Variants in PCLO observed in about 807,000 individuals in gnomAD.
PCLO encodes piccolo presynaptic cytomatrix protein, also known as protein piccolo.
PCLO carries 82 observed loss-of-function variants against 427.5 expected under a neutral mutation model. That is an observed-to-expected ratio of 0.19 (90% CI 0.16 to 0.23). The LOEUF (loss-of-function observed/expected upper bound fraction) is 0.23. PCLO is among the 10% of genes least tolerant of loss of function. The pLI is 1.00. For synonymous variants in PCLO, 2,357 were observed against 2,155.4 expected, an observed-to-expected ratio of 1.09 and a Z score of -2.59; for missense variants, 6,239 against 6,115.9, an observed-to-expected ratio of 1.02 and a Z score of -0.67.
intron 9 of PCLO, among the ~76,000 whole-genome samples, chr7:82,897,037 C>A (rs1793921542): frequency 6.6e-6 from 1 of 151,604 alleles, no homozygotes; most frequent in Non-Finnish European, 1.5e-5. Flanking sequence ...AAAGGAGACT[C>A]ATTTTTTGAG....
At chr7:83,099,177 T>C (rs777903492) in intron 3 of PCLO, among the ~76,000 whole-genome samples, 2 of 149,722 alleles carry the variant, frequency 1.3e-5, no homozygotes, top group African/African-American at 2.5e-5. Context: ...TGAACGTGTA[T>C]AGGCAAAGCT....
intron 18 of PCLO, among the ~76,000 whole-genome samples, chr7:82,826,041 G>GTA (rs1301639262): frequency 2.0e-5 from 3 of 150,968 alleles, no homozygotes; most frequent in Non-Finnish European, 4.4e-5. Context: ...CAAGTACATA[G>GTA]TAAGTGTATA....
At chr7:83,055,470 G>C (rs1207333139) in intron 3 of PCLO, among the ~76,000 whole-genome samples, 1 of 152,100 alleles carries the variant, frequency 6.6e-6, no homozygotes, top group African/African-American at 2.4e-5. Flanking sequence ...AAATTATTTA[G>C]TTGATCTATT....
intron 20 of PCLO, among the ~76,000 whole-genome samples, chr7:82,808,618 T>TA (rs1791505851): frequency 6.6e-6 from 1 of 151,886 alleles, no homozygotes; most frequent in Admixed American, 6.6e-5. Context: ...TAAGAAATAT[T>TA]AAAAAAGAAA....
chr7:82,903,086 T>C (rs995911763), intron 8 of PCLO, among the ~76,000 whole-genome samples: 2 of 151,968 alleles, frequency 1.3e-5, no homozygotes, highest in African/African-American at 4.8e-5. Flanking sequence ...ATTTGGAAAA[T>C]TGCCAGCTGT....
chr7:83,114,025 TA>T (rs1247218145), intron 3 of PCLO, among the ~76,000 whole-genome samples: 1 of 152,140 alleles, frequency 6.6e-6, no homozygotes. Flanking sequence ...TATGAGAGCT[TA>T]AAAAATCCTG....
chr7:82,877,751 C>T (rs964936139), intron 10 of PCLO, among the ~76,000 whole-genome samples: 5 of 152,060 alleles, frequency 3.3e-5, no homozygotes, highest in East Asian at 1.9e-4. Context: ...CTGCAACCTC[C>T]GCCTCCCACG....
intron 2 of PCLO, among the ~76,000 whole-genome samples, chr7:83,137,459 C>T (rs1039553201): frequency 3.3e-5 from 5 of 152,152 alleles, no homozygotes; most frequent in African/African-American, 7.2e-5. Flanking sequence ...GAGATGGAGT[C>T]TCGCTCTGTC....
At chr7:83,038,220 TACACACATACCATAAATTCAC>T (rs1788881080) in intron 3 of PCLO, among the ~76,000 whole-genome samples, 1 of 148,304 alleles carries the variant, frequency 6.7e-6, no homozygotes, top group African/African-American at 2.5e-5. Context: ...GTGTTTAATA[TACACACATACCATAAATTCAC>T]ACATTTAAAA....
At chr7:83,070,493 T>C (rs980648212) in intron 3 of PCLO, among the ~76,000 whole-genome samples, 1 of 151,284 alleles carries the variant, frequency 6.6e-6, no homozygotes, top group African/African-American at 2.4e-5. Flanking sequence ...GTTCACGCCA[T>C]TCTCCTGCCT....
intron 3 of PCLO, among the ~76,000 whole-genome samples, chr7:82,969,160 A>T (rs530646308): frequency 6.6e-6 from 1 of 152,326 alleles, no homozygotes; most frequent in African/African-American, 2.4e-5. Flanking sequence ...AAAATAAAAC[A>T]TAGCAATAAT....
chr7:83,060,724 A>T (rs1044785975), intron 3 of PCLO, among the ~76,000 whole-genome samples: 7 of 152,218 alleles, frequency 4.6e-5, no homozygotes, highest in Non-Finnish European at 8.8e-5. Context: ...GGGTGGCTAC[A>T]GCCTGGTTCT....
At chr7:82,768,568 C>T (rs10268353) in intron 22 of PCLO, among the ~76,000 whole-genome samples, 3,698 of 151,938 alleles carry the variant, frequency 0.024, 168 homozygotes, top group African/African-American at 0.085. Context: ...CCTTAAAATA[C>T]AATTAAATTT....
intron 9 of PCLO, among the ~76,000 whole-genome samples, 177 bp from the exon 10 acceptor site, chr7:82,879,639 A>T (rs1793454925): frequency 6.6e-6 from 1 of 152,130 alleles, no homozygotes; most frequent in Non-Finnish European, 1.5e-5. Context: ...ATAAAATAGG[A>T]TTTTCTGAGA....
chr7:82,902,056 C>T (rs1400285111), intron 9 of PCLO, among the ~76,000 whole-genome samples: 1 of 151,606 alleles, frequency 6.6e-6, no homozygotes, highest in East Asian at 1.9e-4. Context: ...TATCATTTGA[C>T]CCAGCCATCC....
At chr7:82,827,616 A>T (rs568333796) in intron 17 of PCLO, among the ~76,000 whole-genome samples, 227 of 152,202 alleles carry the variant, frequency 1.5e-3, no homozygotes, top group African/African-American at 5.1e-3. Flanking sequence ...CTGAAATAAC[A>T]AATGGAAAAT....
chr7:82,844,741 A>G (rs1010178284), intron 13 of PCLO, among the ~76,000 whole-genome samples: 1 of 152,140 alleles, frequency 6.6e-6, no homozygotes, highest in Non-Finnish European at 1.5e-5. Flanking sequence ...ACTTTGAAAC[A>G]ATAGCATTGG....
chr7:83,043,539 G>A (rs1055188529), intron 3 of PCLO, among the ~76,000 whole-genome samples: 1 of 152,174 alleles, frequency 6.6e-6, no homozygotes, highest in East Asian at 1.9e-4. Flanking sequence ...ATTGCCAAAA[G>A]ATTACATTTG....
intron 3 of PCLO, among the ~76,000 whole-genome samples, chr7:83,050,266 CT>C (rs143259281): frequency 1.0e-4 from 2 of 19,508 alleles, no homozygotes; most frequent in Non-Finnish European, 1.6e-4. Flanking sequence ...ACTAGAAGTG[CT>C]TTTTAAAAAA....
Sources: allele counts gnomAD v4.1 joint callset (sites outside exome capture counted in the v4.1 genomes callset), GRCh38; gene constraint gnomAD v4.1.1; transcripts MANE v1.5; gene names NCBI Gene and HGNC (gene_info 2026-07-23, HGNC 2026-07-21).